Variants in NABP1 observed in about 807,000 individuals in gnomAD.
The protein encoded by NABP1 is SOSS complex subunit B2.
Under a neutral mutation model 25.0 loss-of-function variants are expected in NABP1, and 18 were observed. The observed-to-expected ratio is 0.72, with a 90% CI of 0.50 to 1.07. The LOEUF (loss-of-function observed/expected upper bound fraction) is 1.07. Ranked by LOEUF, NABP1 falls within the 50% of genes least tolerant of loss-of-function variation. The pLI is 0.00. For missense variants in NABP1, 270 were observed against 255.6 expected, an observed-to-expected ratio of 1.06 and a Z score of -0.39; for synonymous variants, 71 against 85.0, an observed-to-expected ratio of 0.84 and a Z score of 0.91.
intron 4 of NABP1, 56 bp from the exon 5 acceptor site, chr2:191,684,174 T>C: frequency 9.2e-7 from 1 of 1,091,114 alleles, no homozygotes; most frequent in Non-Finnish European, 1.3e-6. Context: ...AATAATGTTG[T>C]AATAATATAA....
intron 1 of NABP1, 89 bp from the exon 2 acceptor site, chr2:191,678,901 G>T: frequency 6.4e-7 from 1 of 1,570,762 alleles, no homozygotes; most frequent in South Asian, 1.1e-5. Flanking sequence ...CCACCTTCCA[G>T]ATGTATTAAA....
rs1192727712 is a variant in NABP1, at chr2:191,678,472, T to C, written c.-143T>C. The stretch of plus-strand genomic sequence containing the variant: ...TGTCCGGGCTGGTTTGCCCGGTCCC[T>C]GACTAACGGCTTTCTGCCCCTTCTC... On this transcript the variant is annotated 5_prime_UTR_variant, in exon 1 of 6. Coordinates refer to ENST00000425611, the MANE Select transcript of NABP1 (RefSeq NM_001031716.5). The C allele has an allele frequency of 7.8e-6, 3 of 384,730 alleles. No individual in the cohort carries two copies. The highest frequency in any genetic ancestry group is 2.3e-5 in the South Asian group (1 of 42,798). 23.8% of individuals were successfully genotyped at this position (384,730 alleles called of 1,614,324 possible).
intron 3 of NABP1, chr2:191,682,522 A>G (rs903212076): frequency 4.2e-6 from 2 of 471,032 alleles, no homozygotes; most frequent in African/African-American, 4.0e-5. Flanking sequence ...CCGCAATGCG[A>G]GATTCCATAC....
rs1482353709 is a variant in NABP1 at position 191,686,265 on chromosome 2, A to G, written c.*497A>G. ...GAATGATTGACTTCGTTCAGTGACT[A>G]CTATTAAGATTTTCCAAGGACTGAC... On this transcript the variant is annotated 3_prime_UTR_variant, in exon 6 of 6. Transcript: ENST00000425611. The G allele has an allele frequency of 6.6e-6, 1 of 152,376 alleles. No individual in the cohort carries two copies. The highest frequency in any genetic ancestry group is 2.4e-5 in the African/African-American group (1 of 41,468). 9.4% of individuals were successfully genotyped at this position (152,376 alleles called of 1,614,324 possible).
Position 191,683,476 on chromosome 2 carries a change from G to A in NABP1, c.303-253G>A. On this transcript the variant is annotated intron_variant, in intron 3 of 5. Transcript: ENST00000425611. The surrounding 1 kb of genome is among the most constrained non-coding windows in gnomAD (Gnocchi z 4.1). ...TGTTTTTGTGTCCTTGATTTTTGAT[G>A]TGATTTTTTTTTCAGCACTAAAGAA... 2.7e-6 allele frequency: 1 copy of A among 372,122 alleles called. No homozygotes were observed. The highest frequency in any genetic ancestry group is 2.8e-5 in the South Asian group (1 of 35,304). The allele number at this position is 372,122 out of a possible 1,614,324, so 23.1% of individuals were successfully genotyped here.
Position 191,678,178 on chromosome 2 carries a change from C to T in NABP1, c.-437C>T, listed in dbSNP as rs906562918. 1.3e-5 allele frequency: 2 copies of T among 153,440 alleles called. No homozygotes were observed. The highest frequency in any genetic ancestry group is 4.8e-5 in the African/African-American group (2 of 41,498). 9.5% of individuals were successfully genotyped at this position (153,440 alleles called of 1,614,324 possible). On this transcript the variant is annotated 5_prime_UTR_variant, in exon 1 of 6. Transcript: ENST00000425611. Reference sequence around the variant, plus strand: ...CTGGGTGTGCGGTGTTCTGTCTCCGCTCCCGTTTCGCTGTCACAGCCCGTT... The same window carrying T: ...CTGGGTGTGCGGTGTTCTGTCTCCGTTCCCGTTTCGCTGTCACAGCCCGTT...
intron 3 of NABP1, chr2:191,682,959 GT>G: frequency 5.6e-6 from 1 of 179,004 alleles, no homozygotes; most frequent in Admixed American, 5.9e-5. Flanking sequence ...AGGTCTTAGT[GT>G]CTGTTACTGA....
At position 191,678,153 on chromosome 2, in the gene NABP1, C is replaced by G. The variant is rs1219153036; in HGVS notation, c.-462C>G. The stretch of plus-strand genomic sequence containing the variant: ...TGTTCATCAGTCGCTGTTTGGGACG[C>G]TGGGTGTGCGGTGTTCTGTCTCCGC... On this transcript the variant is annotated 5_prime_UTR_variant, in exon 1 of 6. Transcript: ENST00000425611. 6.5e-6 allele frequency: 1 copy of G among 152,770 alleles called. No homozygotes were observed. Among genetic ancestry groups the G allele is most frequent in the African/African-American group, 2.4e-5 (1 of 41,482 alleles). The allele number at this position is 152,770 out of a possible 1,614,324, so 9.5% of individuals were successfully genotyped here. A position where few individuals can be genotyped will look rare whatever the true frequency, so the allele number is the denominator to read the frequency against.
At chr2:191,678,963 CT>C (rs1353832528) in intron 1 of NABP1, 26 bp from the exon 2 acceptor site, 4 of 1,614,098 alleles carry the variant, frequency 2.5e-6, no homozygotes, top group Non-Finnish European at 3.4e-6. Context: ...CTAACAACCC[CT>C]CCCTTTGATT....
rs1272625161 is a variant in NABP1, at chr2:191,685,622, G to A, written c.469G>A (p.Glu157Lys). ...PVGNGVHTGPESREHQFSHAG... is the reference protein window; with the variant it reads ...PVGNGVHTGPKSREHQFSHAG... ...AGGAAATGGTGTTCACACTGGCCCT[G>A]AATCAAGGGAACACCAGTTTTCACA... The change falls in exon 6 of 6, where the codon GAA becomes AAA. Residue 157 changes from glutamate (E) to lysine (K), a missense_variant. Glu to Lys is a moderately conservative substitution (Grantham distance 56, BLOSUM62 1). Coordinates refer to ENST00000425611, the MANE Select transcript of NABP1 (RefSeq NM_001031716.5). 6.2e-7 allele frequency: 1 copy of A among 1,613,380 alleles called. No individual in the cohort carries two copies. The highest frequency in any genetic ancestry group is 8.5e-7 in the Non-Finnish European group (1 of 1,179,702).
At chr2:191,684,048 T>C (rs1332944467) in intron 4 of NABP1, among the ~76,000 whole-genome samples, 182 bp from the exon 5 acceptor site, 1 of 151,604 alleles carries the variant, frequency 6.6e-6, no homozygotes, top group African/African-American at 2.4e-5. Flanking sequence ...TCTGAAAGGT[T>C]TGGGAAACGT....
At position 191,685,821 on chromosome 2, in the gene NABP1, CTT is replaced by C; in HGVS notation, c.*54_*55del. 6.6e-7 allele frequency: 1 copy of C among 1,503,768 alleles called. No individual in the cohort carries two copies. Among genetic ancestry groups the C allele is most frequent in the Non-Finnish European group, 9.1e-7 (1 of 1,093,740 alleles). 93.2% of individuals were successfully genotyped at this position (1,503,768 alleles called of 1,614,324 possible). On this transcript the variant is annotated 3_prime_UTR_variant, in exon 6 of 6. Transcript: ENST00000425611. Reference sequence around the variant, plus strand: ...TTATACTACATGCCCTACTTGAACACTTATTGCACTTTTATTTATTGTTAACT... The same window carrying C: ...TTATACTACATGCCCTACTTGAACACATTGCACTTTTATTTATTGTTAACT...
intron 3 of NABP1, chr2:191,682,747 C>T (rs891980819): frequency 1.3e-5 from 3 of 224,256 alleles, no homozygotes; most frequent in South Asian, 4.7e-5. Flanking sequence ...AAAGAGAAGC[C>T]ACAAATGGCA....
chr2:191,684,357 G>T, intron 5 of NABP1, 61 bp downstream of exon 5: 1 of 1,233,470 alleles, frequency 8.1e-7, no homozygotes, highest in Non-Finnish European at 1.1e-6. Context: ...GAGCTGTAAA[G>T]ATTCACGTGA....
rs1687809566 is a variant in NABP1 at position 191,685,967 on chromosome 2, C to T, written c.*199C>T. 2.0e-6 allele frequency: 1 copy of T among 499,056 alleles called. No homozygotes were observed. Among genetic ancestry groups the T allele is most frequent in the Non-Finnish European group, 3.5e-6 (1 of 287,304 alleles). The allele number at this position is 499,056 out of a possible 1,614,324, so 30.9% of individuals were successfully genotyped here. On this transcript the variant is annotated 3_prime_UTR_variant, in exon 6 of 6. Transcript: ENST00000425611. ...AGTCTCCTGTTGAAGAATGGGAACACTGAAAAGTAGGGGCATTTATTTTTA... is the reference window on the plus strand; with the variant it reads ...AGTCTCCTGTTGAAGAATGGGAACATTGAAAAGTAGGGGCATTTATTTTTA...
chr2:191,678,925 A>G, intron 1 of NABP1, 65 bp from the exon 2 acceptor site: 2 of 1,604,522 alleles, frequency 1.2e-6, no homozygotes, highest in Non-Finnish European at 1.7e-6. Context: ...CCGGAGGAGG[A>G]GTTAGCCTTT....
intron 2 of NABP1, among the ~76,000 whole-genome samples, chr2:191,680,627 G>T (rs1039142687): frequency 1.3e-5 from 2 of 152,092 alleles, no homozygotes; most frequent in Non-Finnish European, 2.9e-5. Flanking sequence ...TTCATGTTCT[G>T]TAGTGACAGT....
rs535557536 is a variant in NABP1 at position 191,682,864 on chromosome 2, A to G, written c.302+847A>G. The G allele has an allele frequency of 2.6e-5, 7 of 266,070 alleles. No individual in the cohort carries two copies. In the South Asian group the frequency reaches 2.7e-4, roughly 10 times the overall value. The allele number at this position is 266,070 out of a possible 1,614,324, so 16.5% of individuals were successfully genotyped here. ...GAAATGATCATGCTAGCTTTTAAAG[A>G]TCAGAAACACTTAACGCTTTGCCTT... On this transcript the variant is annotated intron_variant, in intron 3 of 5. Coordinates refer to ENST00000425611, the MANE Select transcript of NABP1 (RefSeq NM_001031716.5).
In NABP1 at chr2:191,685,674, T is replaced by G. The variant is rs761304210; in HGVS notation, c.521T>G (p.Leu174Arg). ...GCTGGCAGAAGCAATGGCCGGGGAC[T>G]TATAAATCCACAACTACAAGGAACA... is the stretch of plus-strand genomic sequence containing the variant. ...SHAGRSNGRG[L>R]INPQLQGTAS... Residue 174 changes from leucine (L) to arginine (R), a missense_variant, in exon 6 of 6, where the codon CTT becomes CGT. Physicochemically the swap from Leu to Arg is moderately radical, Grantham distance 102. Transcript: ENST00000425611. 1.9e-6 allele frequency: 3 copies of G among 1,614,078 alleles called. No homozygotes were observed. Among genetic ancestry groups the G allele is most frequent in the Non-Finnish European group, 1.7e-6 (2 of 1,179,968 alleles).
Sources: gnomAD v4.1 joint callset for allele counts (sites outside exome capture counted in the v4.1 genomes callset) on GRCh38, gnomAD v4.1.1 for gene constraint, Gnocchi (gnomAD v3.1) non-coding constraint, MANE v1.5 for transcripts, NCBI Gene and HGNC (gene_info 2026-07-23, HGNC 2026-07-21) for gene names.